Variants in ENPP6 observed in about 807,000 individuals in gnomAD.
The protein encoded by ENPP6 is ectonucleotide pyrophosphatase/phosphodiesterase 6.
Under a neutral mutation model 42.0 loss-of-function variants are expected in ENPP6, and 32 were observed. The ratio of observed to expected loss-of-function variants is 0.76; its 90% confidence interval spans 0.58 to 1.02. The LOEUF is 1.02. Among genes scored for constraint, ENPP6 ranks in the 50% least tolerant of loss-of-function variants. The pLI is 0.00. For missense variants in ENPP6, 552 were observed against 566.8 expected (o/e 0.97, Z 0.27); for synonymous variants, 213 against 216.0 (o/e 0.99, Z 0.12).
chr4:184,169,068 C>T lies in ENPP6; in HGVS notation c.242-15335G>A, dbSNP rs749641181. 7.5e-4 allele frequency among the ~76,000 whole-genome samples: 114 copies of T among 152,204 alleles called. 1 individual carries two copies. The highest frequency in any genetic ancestry group is 2.1e-3 in the African/African-American group (89 of 41,532). On this transcript the variant is annotated intron_variant, in intron 1 of 7. Coordinates refer to ENST00000296741, the MANE Select transcript of ENPP6 (RefSeq NM_153343.4). The stretch of plus-strand genomic sequence containing the variant: ...GGTTGAGTTTATGATTTTTTTAAAC[C>T]ACAATTTGTAATGGTCACTGCAGTG...
intron 1 of ENPP6, among the ~76,000 whole-genome samples, chr4:184,193,026 A>G (rs1414785822): frequency 6.6e-6 from 1 of 152,228 alleles, no homozygotes; most frequent in East Asian, 1.9e-4. Flanking sequence ...AACCTCACAC[A>G]TTGCTGGTGA....
At chr4:184,207,444 C>T (rs1231132725) in intron 1 of ENPP6, among the ~76,000 whole-genome samples, 2 of 152,340 alleles carry the variant, frequency 1.3e-5, no homozygotes, top group East Asian at 3.8e-4. Flanking sequence ...TTAAACTCCA[C>T]TTCAGTCAAA....
At chr4:184,181,388 A>G (rs1210081987) in intron 1 of ENPP6, among the ~76,000 whole-genome samples, 3 of 152,250 alleles carry the variant, frequency 2.0e-5, no homozygotes, top group African/African-American at 7.2e-5. Flanking sequence ...AAAACCTTCC[A>G]TGCTCATGGA....
At chr4:184,154,789 T>C (rs746404560) in intron 1 of ENPP6, among the ~76,000 whole-genome samples, 17 of 152,240 alleles carry the variant, frequency 1.1e-4, no homozygotes, top group Non-Finnish European at 2.5e-4. Flanking sequence ...GTAGAATTAG[T>C]GTTTTGATCT....
intron 6 of ENPP6, among the ~76,000 whole-genome samples, chr4:184,101,890 G>A (rs78139786): frequency 2.0e-5 from 3 of 152,210 alleles, no homozygotes; most frequent in South Asian, 2.1e-4. Context: ...GAAACAAGTC[G>A]CCCCACACCA....
At chr4:184,117,545 C>G (rs1421353875) in intron 4 of ENPP6, among the ~76,000 whole-genome samples, 2 of 152,206 alleles carry the variant, frequency 1.3e-5, no homozygotes, top group African/African-American at 4.8e-5. Context: ...GAAAGCACAC[C>G]TAGGTCAGTC....
Position 184,211,465 on chromosome 4 carries a change from C to T in ENPP6, c.241+6114G>A, listed in dbSNP as rs1368556131. Among the ~76,000 whole-genome samples the T allele has an allele frequency of 2.0e-4, 30 of 151,838 alleles. No homozygotes were observed. In the East Asian group the frequency reaches 2.7e-3, roughly 14 times the overall value. On this transcript the variant is annotated intron_variant, in intron 1 of 7. Transcript: ENST00000296741. ...TCAGAGAATACTACAAACACCTCTACGCAAATAAACTAGAAAATCTAGAAG... is the reference window on the plus strand; with the variant it reads ...TCAGAGAATACTACAAACACCTCTATGCAAATAAACTAGAAAATCTAGAAG...
At chr4:184,217,432 G>T in intron 1 of ENPP6, 147 bp downstream of exon 1, 1 of 1,192,252 alleles carries the variant, frequency 8.4e-7, no homozygotes, top group Non-Finnish European at 1.2e-6. Flanking sequence ...TCTCAGCCAA[G>T]AACACAGATT....
chr4:184,161,668 G>GTATA lies in ENPP6; in HGVS notation c.242-7939_242-7936dup, dbSNP rs1553997998. On this transcript the variant is annotated intron_variant, in intron 1 of 7. Transcript: ENST00000296741. ...TCAATGAGTGGATAAAGAAAATGTG[G>GTATA]TATATATATATACCATGGAATACTA... 4.0e-5 allele frequency among the ~76,000 whole-genome samples: 3 copies of GTATA among 74,090 alleles called. No homozygotes were observed. The Admixed American group carries it at 6.6e-4, about 16-fold the overall frequency. 48.6% of individuals were successfully genotyped at this position (74,090 alleles called of 152,430 possible). A position where few individuals can be genotyped will look rare whatever the true frequency, so the allele number is the denominator to read the frequency against.
intron 6 of ENPP6, among the ~76,000 whole-genome samples, chr4:184,101,421 G>A (rs1165966639): frequency 6.6e-6 from 1 of 151,906 alleles, no homozygotes; most frequent in Non-Finnish European, 1.5e-5. Context: ...CAAATAAAGA[G>A]GGTGGGGTCG....
chr4:184,178,517 G>T (rs1732489473), intron 1 of ENPP6, among the ~76,000 whole-genome samples: 1 of 152,152 alleles, frequency 6.6e-6, no homozygotes, highest in Non-Finnish European at 1.5e-5. Flanking sequence ...AGGAAATCCA[G>T]GGAACCCCAG....
chr4:184,147,373 A>G (rs1202252382), intron 2 of ENPP6, among the ~76,000 whole-genome samples: 1 of 152,136 alleles, frequency 6.6e-6, no homozygotes. Context: ...CCCACCCTGG[A>G]TGTCTCCATT....
At position 184,112,827 on chromosome 4, in the gene ENPP6, A is replaced by G. The variant is rs1329536316; in HGVS notation, c.856-18T>C. ...TTATATATCTGCAAAGAAAATCAAG[A>G]GTGATCAGTTTGACACTCTCTTAAA... On this transcript the variant is annotated intron_variant, in intron 5 of 7. Coordinates refer to ENST00000296741, the MANE Select transcript of ENPP6 (RefSeq NM_153343.4). 9.3e-6 allele frequency: 15 copies of G among 1,611,252 alleles called. No homozygotes were observed. The highest frequency in any genetic ancestry group is 1.3e-5 in the African/African-American group (1 of 74,806).
chr4:184,167,748 A>G (rs1921559), intron 1 of ENPP6, among the ~76,000 whole-genome samples: 71,593 of 152,000 alleles, frequency 0.47, 17,186 homozygotes, highest in Middle Eastern at 0.56. Context: ...AAGTGAGAGC[A>G]GCCTCTCAAG....
At chr4:184,135,351 CTTAT>C (rs1287638633) in intron 2 of ENPP6, among the ~76,000 whole-genome samples, 1 of 152,100 alleles carries the variant, frequency 6.6e-6, no homozygotes, top group Non-Finnish European at 1.5e-5. Context: ...CCATTTTTGA[CTTAT>C]TTATGTTGAG....
chr4:184,185,725 A>C (rs928034433), intron 1 of ENPP6, among the ~76,000 whole-genome samples: 2 of 152,240 alleles, frequency 1.3e-5, no homozygotes, highest in Admixed American at 1.3e-4. Flanking sequence ...GATTGCCAAC[A>C]TCATGAAGGA....
At chr4:184,192,518 C>T (rs946966026) in intron 1 of ENPP6, among the ~76,000 whole-genome samples, 5 of 152,136 alleles carry the variant, frequency 3.3e-5, no homozygotes, top group African/African-American at 1.2e-4. Context: ...AGGAGTAAAT[C>T]ATCACGATGT....
intron 7 of ENPP6, among the ~76,000 whole-genome samples, chr4:184,096,424 G>A (rs1257753440): frequency 6.6e-6 from 1 of 152,198 alleles, no homozygotes; most frequent in Non-Finnish European, 1.5e-5. Flanking sequence ...AGGACGGACT[G>A]TGCTAAGAAA....
chr4:184,208,645 CG>C (rs1733046136), intron 1 of ENPP6, among the ~76,000 whole-genome samples: 1 of 149,454 alleles, frequency 6.7e-6, no homozygotes, highest in Non-Finnish European at 1.5e-5. Flanking sequence ...AACTGCAAGG[CG>C]GCAGCGAGGC....
Sources: gnomAD v4.1 joint callset for allele counts (sites outside exome capture counted in the v4.1 genomes callset) on GRCh38, gnomAD v4.1.1 for gene constraint, MANE v1.5 for transcripts, NCBI Gene and HGNC (gene_info 2026-07-23, HGNC 2026-07-21) for gene names.